PACS1: variants seen among roughly 807,000 people sequenced by gnomAD.
PACS1 encodes the protein PACS-1.
Under a neutral mutation model 115.0 loss-of-function variants are expected in PACS1, and 24 were observed. The ratio of observed to expected loss-of-function variants is 0.21; its 90% CI spans 0.15 to 0.29. The LOEUF is 0.29. Among genes scored for constraint, PACS1 ranks in the 10% least tolerant of loss-of-function variants. The pLI, the probability that PACS1 is intolerant of heterozygous loss-of-function variation, is 1.00. For missense variants in PACS1, 838 were observed against 1,251.2 expected (o/e 0.67, Z 4.98); for synonymous variants, 453 against 504.5 (o/e 0.90, Z 1.37).
intron 1 of PACS1, among the ~76,000 whole-genome samples, chr11:66,098,349 C>T (rs1321030064): frequency 6.6e-6 from 1 of 152,008 alleles, no homozygotes; most frequent in Non-Finnish European, 1.5e-5. Context: ...GAGTTTTCTT[C>T]TAGTCTGTGA....
At chr11:66,102,304 CTAT>C (rs546729593) in intron 1 of PACS1, among the ~76,000 whole-genome samples, 40 of 150,394 alleles carry the variant, frequency 2.7e-4, no homozygotes, top group East Asian at 3.9e-4. Flanking sequence ...ATCGGATTTA[CTAT>C]TATTATTATT....
chr11:66,073,684 G>A, intron 1 of PACS1, among the ~76,000 whole-genome samples: 1 of 151,892 alleles, frequency 6.6e-6, no homozygotes, highest in East Asian at 1.9e-4. Context: ...ACTTTATATA[G>A]GTGAATAGCT....
At chr11:66,234,274 C>T (rs773135488) in intron 17 of PACS1, 32 bp downstream of exon 17, 6 of 1,460,000 alleles carry the variant, frequency 4.1e-6, no homozygotes, top group Non-Finnish European at 5.8e-6. Context: ...CTTACTCCCA[C>T]CCCCGGGGTC....
chr11:66,102,112 T>C (rs1449060692), intron 1 of PACS1, among the ~76,000 whole-genome samples: 1 of 152,182 alleles, frequency 6.6e-6, no homozygotes, highest in Non-Finnish European at 1.5e-5. Context: ...GGAACATCCT[T>C]GATCTCTTCT....
At chr11:66,074,408 GT>G in intron 1 of PACS1, among the ~76,000 whole-genome samples, 1 of 152,282 alleles carries the variant, frequency 6.6e-6, no homozygotes, top group South Asian at 2.1e-4. Context: ...AAGGAAGGGT[GT>G]TAGAGCCTCA....
chr11:66,103,938 C>G (rs948796207), intron 1 of PACS1, among the ~76,000 whole-genome samples: 2 of 152,044 alleles, frequency 1.3e-5, no homozygotes, highest in Admixed American at 6.6e-5. Context: ...CCCCTCCCCC[C>G]ACTCCCACCC....
intron 1 of PACS1, among the ~76,000 whole-genome samples, chr11:66,131,152 G>A (rs550126625): frequency 4.6e-5 from 7 of 152,222 alleles, no homozygotes; most frequent in Non-Finnish European, 8.8e-5. Flanking sequence ...GAGTTTCTCT[G>A]GCTAAATACC....
chr11:66,093,719 C>G (rs1368328927), intron 1 of PACS1, among the ~76,000 whole-genome samples: 3 of 150,348 alleles, frequency 2.0e-5, no homozygotes, highest in Admixed American at 2.0e-4. Flanking sequence ...ACAGAACTCT[C>G]CACCCCAAAT....
intron 1 of PACS1, among the ~76,000 whole-genome samples, chr11:66,186,205 GTTCAAGA>G (rs1432240418): frequency 7.9e-5 from 12 of 151,680 alleles, no homozygotes; most frequent in Non-Finnish European, 1.5e-4. Flanking sequence ...AGTCCCAGAA[GTTCAAGA>G]TTGCAGTGAG....
At chr11:66,076,927 C>T (rs1463790912) in intron 1 of PACS1, among the ~76,000 whole-genome samples, 3 of 152,176 alleles carry the variant, frequency 2.0e-5, no homozygotes, top group African/African-American at 7.2e-5. Flanking sequence ...CTTAGAACTT[C>T]TTTCAGAGGG....
At chr11:66,105,764 C>T (rs1858023214) in intron 1 of PACS1, among the ~76,000 whole-genome samples, 1 of 152,166 alleles carries the variant, frequency 6.6e-6, no homozygotes, top group Non-Finnish European at 1.5e-5. Flanking sequence ...TGTTGAATCT[C>T]AGCATTGGTA....
intron 21 of PACS1, 77 bp from the exon 22 acceptor site, chr11:66,241,350 G>A: frequency 8.8e-7 from 1 of 1,131,860 alleles, no homozygotes; most frequent in Non-Finnish European, 1.3e-6. Context: ...GGACTGGCAT[G>A]GCCCCTACCC....
rs186869239 is a variant in PACS1, at chr11:66,162,856, T to C, written c.357-30630T>C. On this transcript the variant is annotated intron_variant, in intron 1 of 23. Coordinates refer to ENST00000320580, the MANE Select transcript of PACS1 (RefSeq NM_018026.4). ...AATTTTATCCGCAGTAAATGTGGGG[T>C]TGGAGAAGTCAAAGATACCATTTTA... Among the ~76,000 whole-genome samples, 3 of 152,292 alleles carry C rather than the reference T, an allele frequency of 2.0e-5. 1 individual carries two copies. The East Asian group carries it at 5.8e-4, about 29-fold the overall frequency.
chr11:66,231,122 A>G (rs1361377570), intron 13 of PACS1, among the ~76,000 whole-genome samples, 182 bp downstream of exon 13: 2 of 152,290 alleles, frequency 1.3e-5, no homozygotes, highest in Non-Finnish European at 2.9e-5. Context: ...GCTTACTGCC[A>G]GTGTGGAACT....
intron 1 of PACS1, among the ~76,000 whole-genome samples, chr11:66,088,687 C>A (rs918012383): frequency 6.6e-6 from 1 of 152,148 alleles, no homozygotes; most frequent in Non-Finnish European, 1.5e-5. Flanking sequence ...TGTGTCTTCC[C>A]GCTTTGTGCT....
intron 2 of PACS1, among the ~76,000 whole-genome samples, chr11:66,202,742 A>AAAAAAAAAAAAAAAATAT (rs1200930188): frequency 1.4e-5 from 1 of 71,606 alleles, no homozygotes; most frequent in Admixed American, 1.8e-4. Context: ...AAAAAAAAAA[A>AAAAAAAAAAAAAAAATAT]ATATATATAT....
At chr11:66,105,374 G>A (rs2134536214) in intron 1 of PACS1, among the ~76,000 whole-genome samples, 1 of 152,282 alleles carries the variant, frequency 6.6e-6, no homozygotes, top group South Asian at 2.1e-4. Flanking sequence ...AGTGAGCTGA[G>A]ACTGCGCCAT....
chr11:66,219,498 C>T (rs1855290554), intron 7 of PACS1: 2 of 638,850 alleles, frequency 3.1e-6, no homozygotes, highest in Non-Finnish European at 5.8e-6. Context: ...GGTGTTGGGG[C>T]ACAGGGGGGT....
chr11:66,100,817 G>A (rs1415934464), intron 1 of PACS1: 1 of 456,280 alleles, frequency 2.2e-6, no homozygotes, highest in Non-Finnish European at 4.4e-6. Flanking sequence ...ACCTCCATGA[G>A]AACTGTGGCT....
Sources: allele counts gnomAD v4.1 joint callset (sites outside exome capture counted in the v4.1 genomes callset), GRCh38; gene constraint gnomAD v4.1.1; transcripts MANE v1.5; gene names NCBI Gene and HGNC (gene_info 2026-07-23, HGNC 2026-07-21).